GPM6B: variants seen among roughly 807,000 people sequenced by gnomAD.
GPM6B encodes neuronal membrane glycoprotein M6-b.
Under a neutral mutation model 27.2 loss-of-function variants are expected in GPM6B, and 4 were observed. That is an observed-to-expected ratio of 0.15 (90% CI 0.07 to 0.34). The LOEUF (loss-of-function observed/expected upper bound fraction) is 0.34. Ranked by LOEUF, GPM6B falls within the 10% of genes least tolerant of loss-of-function variation. The pLI is 1.00. For synonymous variants in GPM6B, 124 were observed against 103.1 expected, an observed-to-expected ratio of 1.20 and a Z score of -1.23; for missense variants, 183 against 261.9, an observed-to-expected ratio of 0.70 and a Z score of 2.08.
intron 1 of GPM6B, among the ~76,000 whole-genome samples, chrX:13,829,334 T>C (rs1441341679): frequency 9.0e-6 from 1 of 111,673 alleles, no homozygotes; most frequent in African/African-American, 3.3e-5. Context: ...AAAGGACTCA[T>C]AAGAGAACTT....
intron 2 of GPM6B, among the ~76,000 whole-genome samples, chrX:13,802,326 T>G (rs2048936852): frequency 9.0e-6 from 1 of 110,977 alleles, no homozygotes; most frequent in Non-Finnish European, 1.9e-5. Context: ...CTCATCGATC[T>G]GCTTTTTATC....
At chrX:13,865,069 C>G (rs1027980468) in intron 1 of GPM6B, among the ~76,000 whole-genome samples, 1 of 111,696 alleles carries the variant, frequency 9.0e-6, no homozygotes, top group South Asian at 3.7e-4. Flanking sequence ...TTTTGGACCA[C>G]TGTTGACCAC....
chrX:13,923,783 T>C (rs187378514), intron 1 of GPM6B, among the ~76,000 whole-genome samples: 1 of 112,681 alleles, frequency 8.9e-6, no homozygotes, highest in East Asian at 2.8e-4. Context: ...AATTTGCATC[T>C]TGAATGTAAA....
At position 13,931,937 on chromosome X, in the gene GPM6B, A is replaced by C. The variant is rs186480366; in HGVS notation, c.-198+6390T>G. ...TCCTCAAATCTAAGTCACCACTGGA[A>C]ACTTCATATAAGCCACAAGGTTTTA... On this transcript the variant is annotated intron_variant, in intron 1 of 6. Transcript: ENST00000398361. Among the ~76,000 whole-genome samples, 5 of 112,082 alleles carry C rather than the reference A, an allele frequency of 4.5e-5. No homozygotes were observed. The East Asian group carries it at 1.4e-3, about 31-fold the overall frequency.
At chrX:13,781,653 G>T (rs1211563639) in intron 4 of GPM6B, among the ~76,000 whole-genome samples, 1 of 111,592 alleles carries the variant, frequency 9.0e-6, no homozygotes, top group Non-Finnish European at 1.9e-5. Context: ...GCAACCAGTT[G>T]TCTCTCACCT....
At chrX:13,906,325 A>T (rs895377183) in intron 1 of GPM6B, among the ~76,000 whole-genome samples, 2 of 112,132 alleles carry the variant, frequency 1.8e-5, no homozygotes, top group African/African-American at 6.5e-5. Flanking sequence ...CTAATAGCCA[A>T]ATTTAATTCT....
At chrX:13,797,658 C>T (rs2048841789) in intron 2 of GPM6B, among the ~76,000 whole-genome samples, 1 of 111,021 alleles carries the variant, frequency 9.0e-6, no homozygotes, top group Admixed American at 9.6e-5. Context: ...CGAGGCGTGA[C>T]TCAGGATGTG....
At chrX:13,936,871 T>C (rs12394166) in intron 1 of GPM6B, among the ~76,000 whole-genome samples, 4 of 112,598 alleles carry the variant, frequency 3.6e-5, no homozygotes, top group Non-Finnish European at 7.5e-5. Context: ...AAAGCTGTTC[T>C]GGAGAAGGTC....
At chrX:13,852,084 GTCA>G (rs757839447) in intron 1 of GPM6B, among the ~76,000 whole-genome samples, 6 of 111,027 alleles carry the variant, frequency 5.4e-5, no homozygotes, top group African/African-American at 2.0e-4. Context: ...CAGGTGCAGG[GTCA>G]TCAAACTTTT....
intron 3 of GPM6B, among the ~76,000 whole-genome samples, chrX:13,784,307 T>G (rs1255241786): frequency 8.9e-6 from 1 of 112,199 alleles, no homozygotes; most frequent in Non-Finnish European, 1.9e-5. Flanking sequence ...CTGAGATCAC[T>G]ACCTAATTAA....
intron 2 of GPM6B, among the ~76,000 whole-genome samples, chrX:13,803,083 A>G (rs890615513): frequency 8.9e-6 from 1 of 111,989 alleles, no homozygotes; most frequent in Non-Finnish European, 1.9e-5. Flanking sequence ...GAGTGACACT[A>G]AAGAACAATG....
Position 13,908,387 on chromosome X carries a change from A to G in GPM6B, c.-198+29940T>C, listed in dbSNP as rs949002363. ...TGCCTCAAATGTACAACCTTAATGT[A>G]CTCATGAGAAAATGTCAGACAAATC... On this transcript the variant is annotated intron_variant, in intron 1 of 6. Transcript: ENST00000398361. Among the ~76,000 whole-genome samples the G allele has an allele frequency of 5.4e-5, 6 of 112,043 alleles. No individual in the cohort carries two copies. The Admixed American group carries it at 5.7e-4, about 11-fold the overall frequency.
intron 2 of GPM6B, among the ~76,000 whole-genome samples, chrX:13,806,081 A>G (rs975511842): frequency 5.4e-5 from 6 of 111,853 alleles, no homozygotes; most frequent in Non-Finnish European, 1.1e-4. Context: ...GACTTTGAGT[A>G]AATGTACAGC....
At chrX:13,812,049 T>C (rs377131033) in intron 1 of GPM6B, among the ~76,000 whole-genome samples, 273 of 83,145 alleles carry the variant, frequency 3.3e-3, no homozygotes, top group Middle Eastern at 0.012. Context: ...CTTTTCTTTC[T>C]TTTTTTTTTT....
At chrX:13,783,056 C>G (rs1306225017) in intron 4 of GPM6B, among the ~76,000 whole-genome samples, 1 of 112,364 alleles carries the variant, frequency 8.9e-6, no homozygotes, top group Non-Finnish European at 1.9e-5. Flanking sequence ...AAGGGGAGCA[C>G]TGAGACCACA....
intron 1 of GPM6B, among the ~76,000 whole-genome samples, chrX:13,934,035 A>G (rs936811258): frequency 9.0e-6 from 1 of 111,018 alleles, no homozygotes; most frequent in African/African-American, 3.3e-5. Flanking sequence ...TAAACCATCC[A>G]GCTGCTTGGT....
intron 1 of GPM6B, among the ~76,000 whole-genome samples, chrX:13,845,862 A>G (rs1291713915): frequency 8.9e-6 from 1 of 111,856 alleles, no homozygotes; most frequent in East Asian, 2.8e-4. Context: ...ACCCACACAG[A>G]ACATGGTCAA....
chrX:13,896,611 G>T (rs1277159605), intron 1 of GPM6B, among the ~76,000 whole-genome samples: 1 of 110,373 alleles, frequency 9.1e-6, no homozygotes, highest in East Asian at 2.8e-4. Context: ...TGTCGCCCAG[G>T]CTGGAGTGCA....
At chrX:13,896,294 A>G (rs1184457586) in intron 1 of GPM6B, among the ~76,000 whole-genome samples, 1 of 108,084 alleles carries the variant, frequency 9.3e-6, no homozygotes, top group Non-Finnish European at 1.9e-5. Flanking sequence ...TGAGACCTCC[A>G]TATGGCTAGA....
Sources: allele counts gnomAD v4.1 joint callset (sites outside exome capture counted in the v4.1 genomes callset), GRCh38; gene constraint gnomAD v4.1.1; transcripts MANE v1.5; gene names NCBI Gene and HGNC (gene_info 2026-07-23, HGNC 2026-07-21).